Variants in KMO observed in about 807,000 individuals in gnomAD.
KMO encodes the protein kynurenine 3-hydroxylase.
In KMO, 24 loss-of-function variants were observed where a neutral mutation model predicts 57.8. The observed-to-expected ratio is 0.42, with a 90% CI of 0.30 to 0.58. KMO has a LOEUF of 0.58. KMO is among the 20% of genes least tolerant of loss of function. The pLI, the probability that KMO is intolerant of heterozygous loss-of-function variation, is 0.22. For synonymous variants in KMO, 210 were observed against 193.6 expected (o/e 1.08, Z -0.70); for missense variants, 483 against 588.2 (o/e 0.82, Z 1.85).
chr1:241,564,331 G>C (rs1397012655), intron 7 of KMO, among the ~76,000 whole-genome samples: 1 of 152,014 alleles, frequency 6.6e-6, no homozygotes, highest in African/African-American at 2.4e-5. Context: ...TTGGGTCTTT[G>C]GGTCAATTGA....
intron 1 of KMO, among the ~76,000 whole-genome samples, chr1:241,538,779 C>T (rs1284870117): frequency 1.3e-5 from 2 of 152,154 alleles, no homozygotes; most frequent in East Asian, 1.9e-4. Flanking sequence ...GGGAATTCAT[C>T]CCTCAGAGAT....
chr1:241,592,867 C>A lies in KMO; in HGVS notation c.*714C>A. 1 of 155,830 alleles carries A rather than the reference C, an allele frequency of 6.4e-6. No individual in the cohort carries two copies. The highest frequency in any genetic ancestry group is 1.4e-5 in the Non-Finnish European group (1 of 70,286). 9.7% of individuals were successfully genotyped at this position (155,830 alleles called of 1,614,324 possible). A position where few individuals can be genotyped will look rare whatever the true frequency, so the allele number is the denominator to read the frequency against. On this transcript the variant is annotated 3_prime_UTR_variant, in exon 15 of 15. Coordinates refer to ENST00000366559, the MANE Select transcript of KMO (RefSeq NM_003679.5). ...CCAGGCTGGAGTGCAGTGGTGAGATCTGGGTTCACTGCAACCTCTGCCTCC... is the reference window on the plus strand; with the variant it reads ...CCAGGCTGGAGTGCAGTGGTGAGATATGGGTTCACTGCAACCTCTGCCTCC...
At chr1:241,560,643 G>C in intron 5 of KMO, 22 bp from the exon 6 acceptor site, 1 of 1,522,236 alleles carries the variant, frequency 6.6e-7, no homozygotes, top group Admixed American at 1.7e-5. Flanking sequence ...ATTTCTGTTT[G>C]CCTCTTTCTC....
intron 7 of KMO, 118 bp from the exon 8 acceptor site, chr1:241,564,869 G>A (rs558721938): frequency 3.8e-5 from 24 of 639,354 alleles, no homozygotes; most frequent in South Asian, 2.3e-4. Context: ...ATAGATGTGC[G>A]TATCATCGTG....
chr1:241,588,892 T>C, intron 12 of KMO, 62 bp downstream of exon 12: 1 of 1,229,284 alleles, frequency 8.1e-7, no homozygotes. Context: ...ACAAGTGTTC[T>C]TTTCTTTTTC....
rs1158768286 is a variant in KMO, at chr1:241,592,783, T to TATC, written c.*631_*633dup. 2.5e-5 allele frequency: 3 copies of TATC among 119,922 alleles called. No individual in the cohort carries two copies. Among genetic ancestry groups the TATC allele is most frequent in the Non-Finnish European group, 4.0e-5 (2 of 49,658 alleles). 7.4% of individuals were successfully genotyped at this position (119,922 alleles called of 1,614,324 possible). On this transcript the variant is annotated 3_prime_UTR_variant, in exon 15 of 15. Transcript: ENST00000366559. ...CTATCTATCTATCTATCTATCTATC[T>TATC]ATCTATCTATCTATCTCTATTTATT...
chr1:241,568,715 G>A lies in KMO; in HGVS notation c.957+68G>A, dbSNP rs559248643. 4.8e-4 allele frequency: 702 copies of A among 1,456,806 alleles called. 1 individual carries two copies. The highest frequency in any genetic ancestry group is 6.2e-4 in the Non-Finnish European group (656 of 1,061,566). 90.2% of individuals were successfully genotyped at this position (1,456,806 alleles called of 1,614,324 possible). ...GTCAGTCTCAGCTAACAAGTCTTAC[G>A]TAAAAAATATGTCTAAGACTATCCC... On this transcript the variant is annotated intron_variant, in intron 10 of 14. Coordinates refer to ENST00000366559, the MANE Select transcript of KMO (RefSeq NM_003679.5).
At chr1:241,557,811 T>TA (rs143918764) in intron 5 of KMO, among the ~76,000 whole-genome samples, 5,234 of 152,150 alleles carry the variant, frequency 0.034, 294 homozygotes, top group African/African-American at 0.12. Context: ...ACATCAACTC[T>TA]AAAAAATCAA....
At chr1:241,587,768 A>G (rs1468977138) in intron 11 of KMO, among the ~76,000 whole-genome samples, 3 of 140,234 alleles carry the variant, frequency 2.1e-5, no homozygotes, top group Non-Finnish European at 4.6e-5. Flanking sequence ...TTTTTTCATT[A>G]TTTTTCAGTT....
intron 1 of KMO, among the ~76,000 whole-genome samples, chr1:241,545,445 CTG>C (rs1661109813): frequency 6.6e-6 from 1 of 152,140 alleles, no homozygotes; most frequent in Non-Finnish European, 1.5e-5. Context: ...CTTCCGAGAG[CTG>C]TGAGGGAAAG....
rs532028618 is a variant in KMO, at chr1:241,541,477, A to G, written c.55-7352A>G. On this transcript the variant is annotated intron_variant, in intron 1 of 14. Coordinates refer to ENST00000366559, the MANE Select transcript of KMO (RefSeq NM_003679.5). ...TAGCTATGTTGAGAGGGAGATGCCT[A>G]TAGACAGGTTCAGTAGTCACAGATG... is the stretch of plus-strand genomic sequence containing the variant. Among the ~76,000 whole-genome samples the G allele has an allele frequency of 1.5e-4, 23 of 152,344 alleles. No individual in the cohort carries two copies. The South Asian group carries it at 4.1e-3, about 27-fold the overall frequency.
chr1:241,555,480 C>A, intron 4 of KMO, 132 bp from the exon 5 acceptor site: 2 of 509,236 alleles, frequency 3.9e-6, no homozygotes, highest in South Asian at 6.6e-5. Flanking sequence ...GGTCACTTAG[C>A]GAAATGGTTA....
At chr1:241,569,038 T>A (rs1662183967) in intron 10 of KMO, among the ~76,000 whole-genome samples, 1 of 152,246 alleles carries the variant, frequency 6.6e-6, no homozygotes, top group Middle Eastern at 3.4e-3. Context: ...TTAATTATTA[T>A]GGATATATAC....
chr1:241,585,443 T>G, intron 10 of KMO, among the ~76,000 whole-genome samples: 1 of 151,878 alleles, frequency 6.6e-6, no homozygotes, highest in East Asian at 1.9e-4. Flanking sequence ...TTATAATTGA[T>G]GTGAAAAATA....
chr1:241,535,278 C>T (rs1033542523), intron 1 of KMO, among the ~76,000 whole-genome samples: 2 of 151,918 alleles, frequency 1.3e-5, no homozygotes, highest in African/African-American at 4.8e-5. Context: ...TCCCTTCCTA[C>T]CTCCTCCTTT....
intron 1 of KMO, 64 bp downstream of exon 1, chr1:241,532,562 GATT>G: frequency 8.3e-7 from 1 of 1,197,944 alleles, no homozygotes; most frequent in South Asian, 1.4e-5. Context: ...TACTCGTAAT[GATT>G]ATTATTCGTC....
chr1:241,549,775 G>GTAC lies in KMO; in HGVS notation c.222+3_222+5dup, dbSNP rs371076842. On this transcript the variant is annotated splice_donor_variant, in intron 3 of 14. Transcript: ENST00000366559. LOFTEE classifies it high-confidence loss of function. ...GAAAGCTGTTGGCCTGGAAGATCAG[G>GTAC]TACTTAATGTATCTTTCTTACAGAA... 9.9e-5 allele frequency: 155 copies of GTAC among 1,564,672 alleles called. No homozygotes were observed. In the African/African-American group the frequency reaches 1.7e-3, roughly 17 times the overall value.
intron 5 of KMO, among the ~76,000 whole-genome samples, chr1:241,556,854 C>A (rs3007740): frequency 0.83 from 126,792 of 151,988 alleles, 53,983 homozygotes; most frequent in Non-Finnish European, 0.93. Context: ...ATGCCACTGC[C>A]CTCCAGCCTG....
At chr1:241,588,265 A>T (rs1241332139) in intron 11 of KMO, among the ~76,000 whole-genome samples, 1 of 151,406 alleles carries the variant, frequency 6.6e-6, no homozygotes, top group Admixed American at 6.6e-5. Flanking sequence ...AAAGTCCAAG[A>T]ATACTGGTGC....
Sources: allele counts gnomAD v4.1 joint callset (sites outside exome capture counted in the v4.1 genomes callset), GRCh38; gene constraint gnomAD v4.1.1; transcripts MANE v1.5; gene names NCBI Gene and HGNC (gene_info 2026-07-23, HGNC 2026-07-21).